Variants in ACRV1 observed in about 807,000 individuals in gnomAD.
ACRV1 encodes acrosomal vesicle protein 1, also known as acrosomal protein SP-10.
ACRV1 carries 17 observed loss-of-function variants against 29.2 expected under a neutral mutation model. The observed-to-expected ratio is 0.58, with a 90% CI of 0.40 to 0.87. The LOEUF (loss-of-function observed/expected upper bound fraction) is 0.87. ACRV1 is among the 40% of genes least tolerant of loss of function. ACRV1 has a pLI of 0.00. For synonymous variants in ACRV1, 98 were observed against 111.6 expected (o/e 0.88, Z 0.77); for missense variants, 294 against 316.0 (o/e 0.93, Z 0.53).
intron 1 of ACRV1, among the ~76,000 whole-genome samples, chr11:125,679,210 C>CTT (rs1942675671): frequency 3.6e-5 from 3 of 83,214 alleles, no homozygotes; most frequent in Non-Finnish European, 7.9e-5. Flanking sequence ...TTTAATCCGT[C>CTT]TCTTTCTTTT....
rs531126795 is a variant in ACRV1 at position 125,672,485 on chromosome 11, C to G, written c.*108G>C. ...GAGCATCCTAATGCTCAGGCAGAGG[C>G]AGATGTGGTCAGTTGTTGACTGGGG... On this transcript the variant is annotated 3_prime_UTR_variant, in exon 4 of 4. Coordinates refer to ENST00000533904, the MANE Select transcript of ACRV1 (RefSeq NM_001612.6). 1 of 1,302,490 alleles carries G rather than the reference C, an allele frequency of 7.7e-7. No individual in the cohort carries two copies. The highest frequency in any genetic ancestry group is 2.0e-5 in the Admixed American group (1 of 49,894). 80.7% of individuals were successfully genotyped at this position (1,302,490 alleles called of 1,614,324 possible). A position where few individuals can be genotyped will look rare whatever the true frequency, so the allele number is the denominator to read the frequency against.
At chr11:125,678,643 C>A (rs951630183) in intron 1 of ACRV1, among the ~76,000 whole-genome samples, 8 of 152,072 alleles carry the variant, frequency 5.3e-5, no homozygotes, top group African/African-American at 1.9e-4. Context: ...ATCAGGAAGT[C>A]AGGATACCAT....
intron 3 of ACRV1, among the ~76,000 whole-genome samples, chr11:125,673,577 A>G (rs544376887): frequency 6.6e-6 from 1 of 152,124 alleles, no homozygotes; most frequent in African/African-American, 2.4e-5. Flanking sequence ...TCTGGATCCA[A>G]TTATTTCTGC....
In ACRV1 at chr11:125,678,037, C is replaced by A; in HGVS notation, c.313G>T (p.Glu105Ter). The A allele has an allele frequency of 2.5e-6, 4 of 1,614,122 alleles. No individual in the cohort carries two copies. The highest frequency in any genetic ancestry group is 3.4e-6 in the Non-Finnish European group (4 of 1,180,016). Reference protein sequence around the residue: ...SGEPAATEHAEGEHTVGEQPS... With the variant: ...SGEPAATEHA ...TGCTCACCTACAGTATGCTCACCTTCAGCATGTTCAGTCGCAGCGGGCTCA... is the reference window on the plus strand; with the variant it reads ...TGCTCACCTACAGTATGCTCACCTTAAGCATGTTCAGTCGCAGCGGGCTCA... The change falls in exon 2 of 4, where the codon GAA becomes TAA. Residue 105 changes from glutamate (E) to a stop codon, truncating the protein, a stop_gained. Transcript: ENST00000533904. LOFTEE classifies it high-confidence loss of function.
chr11:125,673,799 A>G (rs1442405392), intron 3 of ACRV1, among the ~76,000 whole-genome samples: 1 of 151,990 alleles, frequency 6.6e-6, no homozygotes, highest in Non-Finnish European at 1.5e-5. Context: ...TTTTCCATCC[A>G]ATTTGTTGTG....
rs1360228296 is a variant in ACRV1 at position 125,676,743 on chromosome 11, TC to T, written c.554-266del. Among the ~76,000 whole-genome samples the T allele has an allele frequency of 2.0e-5, 3 of 152,190 alleles. No individual in the cohort carries two copies. In the East Asian group the frequency reaches 5.8e-4, roughly 29 times the overall value. Reference sequence around the variant, plus strand: ...ACTCCAGTCCATATCTGCATTGACTTCCTGGGCATTTATCATTAGATACCCT... The same window carrying T: ...ACTCCAGTCCATATCTGCATTGACTTCTGGGCATTTATCATTAGATACCCT... On this transcript the variant is annotated intron_variant, in intron 2 of 3. Transcript: ENST00000533904.
intron 1 of ACRV1, 122 bp downstream of exon 1, chr11:125,680,607 G>A: frequency 1.2e-6 from 1 of 857,764 alleles, no homozygotes. Flanking sequence ...TTGTTTAGCT[G>A]CTCTTGATTC....
intron 2 of ACRV1, among the ~76,000 whole-genome samples, chr11:125,677,330 A>G (rs1309888099): frequency 6.6e-6 from 1 of 152,252 alleles, no homozygotes; most frequent in Non-Finnish European, 1.5e-5. Flanking sequence ...TGGATCTAAA[A>G]GAAAATAGCT....
At chr11:125,677,658 A>G in intron 2 of ACRV1, 139 bp downstream of exon 2, 2 of 1,188,100 alleles carry the variant, frequency 1.7e-6, no homozygotes, top group Non-Finnish European at 2.4e-6. Context: ...GACGAGAACT[A>G]GAGAGACTTT....
intron 1 of ACRV1, among the ~76,000 whole-genome samples, chr11:125,679,216 C>CTTTTTTTTTTTTTTTTTTTTTTT (rs71045115): frequency 5.9e-4 from 72 of 121,030 alleles, no homozygotes; most frequent in African/African-American, 2.2e-3. Flanking sequence ...CCGTCTCTTT[C>CTTTTTTTTTTTTTTTTTTTTTTT]TTTTTTTTTT....
Position 125,672,541 on chromosome 11 carries a change from A to G in ACRV1, c.*52T>C. Reference sequence around the variant, plus strand: ...ACTAAATATAAAATGAGCCAAATAGAGTGATGGAGGCTTTTTACTGCCTGA... The same window carrying G: ...ACTAAATATAAAATGAGCCAAATAGGGTGATGGAGGCTTTTTACTGCCTGA... On this transcript the variant is annotated 3_prime_UTR_variant, in exon 4 of 4. Coordinates refer to ENST00000533904, the MANE Select transcript of ACRV1 (RefSeq NM_001612.6). The G allele has an allele frequency of 1.2e-6, 2 of 1,604,920 alleles. No individual in the cohort carries two copies. Among genetic ancestry groups the G allele is most frequent in the African/African-American group, 1.3e-5 (1 of 74,468 alleles).
intron 1 of ACRV1, among the ~76,000 whole-genome samples, chr11:125,679,220 T>C (rs1008967124): frequency 7.0e-6 from 1 of 142,494 alleles, no homozygotes; most frequent in Non-Finnish European, 1.5e-5. Flanking sequence ...CTCTTTCTTT[T>C]TTTTTTTTTG....
At chr11:125,678,583 T>C (rs1942634662) in intron 1 of ACRV1, among the ~76,000 whole-genome samples, 1 of 152,030 alleles carries the variant, frequency 6.6e-6, no homozygotes, top group Non-Finnish European at 1.5e-5. Flanking sequence ...CTCATCCATG[T>C]ACAAAAAACC....
intron 3 of ACRV1, among the ~76,000 whole-genome samples, chr11:125,674,391 G>C (rs1309506189): frequency 2.0e-5 from 3 of 152,192 alleles, no homozygotes; most frequent in African/African-American, 7.2e-5. Flanking sequence ...AGAATTGTTA[G>C]CATTTCGATT....
chr11:125,675,273 T>A (rs1942442038), intron 3 of ACRV1, among the ~76,000 whole-genome samples: 1 of 152,246 alleles, frequency 6.6e-6, no homozygotes, highest in South Asian at 2.1e-4. Flanking sequence ...GCACCTCTAA[T>A]CTTTCCTTTC....
intron 1 of ACRV1, among the ~76,000 whole-genome samples, chr11:125,679,202 T>G (rs1942674533): frequency 7.4e-6 from 1 of 135,580 alleles, no homozygotes. Flanking sequence ...CTTCTACCTT[T>G]AATCCGTCTC....
At chr11:125,680,705 C>T in intron 1 of ACRV1, 24 bp downstream of exon 1, 5 of 1,607,944 alleles carry the variant, frequency 3.1e-6, no homozygotes, top group Non-Finnish European at 4.3e-6. Flanking sequence ...TTGTATTTAC[C>T]TGAAGCCTAG....
rs760196924 is a variant in ACRV1, at chr11:125,676,358, C to T, written c.673+1G>A. ...AATTGCCTCATGAAGTCCCCATATA[C>T]CTTCAAAGATCTTCTTTAACATGCA... On this transcript the variant is annotated splice_donor_variant, in intron 3 of 3. Coordinates refer to ENST00000533904, the MANE Select transcript of ACRV1 (RefSeq NM_001612.6). LOFTEE classifies it high-confidence loss of function. 5 of 1,614,008 alleles carry T rather than the reference C, an allele frequency of 3.1e-6. No individual in the cohort carries two copies. Among genetic ancestry groups the T allele is most frequent in the Non-Finnish European group, 4.2e-6 (5 of 1,180,026 alleles).
chr11:125,675,414 G>A (rs1007980777), intron 3 of ACRV1, among the ~76,000 whole-genome samples: 1 of 152,116 alleles, frequency 6.6e-6, no homozygotes, highest in South Asian at 2.1e-4. Flanking sequence ...TCTTTCTGTA[G>A]TTCATGGTAT....
Sources: allele counts gnomAD v4.1 joint callset (sites outside exome capture counted in the v4.1 genomes callset), GRCh38; gene constraint gnomAD v4.1.1; transcripts MANE v1.5; gene names NCBI Gene and HGNC (gene_info 2026-07-23, HGNC 2026-07-21).